Variants in DPP10 observed in about 807,000 individuals in gnomAD.
The protein encoded by DPP10 is inactive dipeptidyl peptidase 10.
Under a neutral mutation model 120.9 loss-of-function variants are expected in DPP10, and 33 were observed. That is an observed-to-expected ratio of 0.27 (90% confidence interval 0.21 to 0.37). The LOEUF is 0.37. DPP10 is among the 10% of genes least tolerant of loss of function. The pLI, the probability that DPP10 is intolerant of heterozygous loss-of-function variation, is 1.00. For synonymous variants in DPP10, 337 were observed against 326.1 expected, an observed-to-expected ratio of 1.03 and a Z score of -0.36; for missense variants, 816 against 942.8, an observed-to-expected ratio of 0.87 and a Z score of 1.76.
intron 1 of DPP10, among the ~76,000 whole-genome samples, chr2:114,943,724 G>T (rs2104590686): frequency 6.6e-6 from 1 of 152,234 alleles, no homozygotes; most frequent in Admixed American, 6.5e-5. Context: ...CTGTTTTTCT[G>T]ATTATAATTT....
chr2:114,576,832 C>T (rs1690088735), intron 1 of DPP10, among the ~76,000 whole-genome samples: 1 of 151,906 alleles, frequency 6.6e-6, no homozygotes, highest in African/African-American at 2.4e-5. Flanking sequence ...CTGGGTCATC[C>T]TGTGTAGAAA....
At chr2:115,280,100 C>T (rs2060097018) in intron 1 of DPP10, among the ~76,000 whole-genome samples, 1 of 151,984 alleles carries the variant, frequency 6.6e-6, no homozygotes, top group Non-Finnish European at 1.5e-5. Context: ...TGAATTTGGA[C>T]TTGTGATTTT....
At position 115,332,113 on chromosome 2, in the gene DPP10, G is replaced by T. The variant is rs150519010; in HGVS notation, c.176-11704G>T. On this transcript the variant is annotated intron_variant, in intron 2 of 25. Transcript: ENST00000410059. Reference sequence around the variant, plus strand: ...GCCTCAATTTCAGAGCCTCTTATTGGTCTATTCAGAGATTCAACTTCTTCC... The same window carrying T: ...GCCTCAATTTCAGAGCCTCTTATTGTTCTATTCAGAGATTCAACTTCTTCC... Among the ~76,000 whole-genome samples the T allele has an allele frequency of 3.0e-3, 452 of 152,190 alleles. 15 individuals are homozygous for T. In the East Asian group the frequency reaches 0.075, roughly 25 times the overall value.
chr2:114,579,371 T>G (rs1690308760), intron 1 of DPP10, among the ~76,000 whole-genome samples: 1 of 152,160 alleles, frequency 6.6e-6, no homozygotes, highest in African/African-American at 2.4e-5. Context: ...TTTTCTGAAT[T>G]TTATAGGGGG....
intron 1 of DPP10, among the ~76,000 whole-genome samples, chr2:114,608,402 G>C (rs926821291): frequency 6.6e-6 from 1 of 151,956 alleles, no homozygotes; most frequent in Non-Finnish European, 1.5e-5. Flanking sequence ...AAGGAGAGGG[G>C]TTTGAGGAGA....
intron 1 of DPP10, among the ~76,000 whole-genome samples, chr2:114,959,060 TG>T (rs1016830702): frequency 6.6e-6 from 1 of 152,136 alleles, no homozygotes; most frequent in African/African-American, 2.4e-5. Flanking sequence ...GGTTTGTTTT[TG>T]TTTTTGTTTT....
chr2:115,342,864 G>A lies in DPP10; in HGVS notation c.176-953G>A, dbSNP rs2063518172. Among the ~76,000 whole-genome samples the A allele has an allele frequency of 2.0e-5, 3 of 152,054 alleles. No individual in the cohort carries two copies. In the South Asian group the frequency reaches 6.2e-4, roughly 32 times the overall value. ...TGATTGATTTATGTGAAAGGGAATT[G>A]CATTTGACGTTATTGACTCTTTGCC... On this transcript the variant is annotated intron_variant, in intron 2 of 25. Transcript: ENST00000410059.
intron 1 of DPP10, among the ~76,000 whole-genome samples, chr2:114,697,019 T>C (rs1300243690): frequency 6.6e-6 from 1 of 152,104 alleles, no homozygotes; most frequent in Non-Finnish European, 1.5e-5. Context: ...ATTAATTCTC[T>C]CTTTTAATCA....
intron 11 of DPP10, 88 bp from the exon 12 acceptor site, chr2:115,762,484 A>G: frequency 2.1e-6 from 3 of 1,402,532 alleles, no homozygotes; most frequent in South Asian, 1.2e-5. Flanking sequence ...AGGGAAAAAA[A>G]ACTGATAACC....
intron 5 of DPP10, among the ~76,000 whole-genome samples, chr2:115,608,622 A>G (rs1376723485): frequency 6.6e-6 from 1 of 152,110 alleles, no homozygotes; most frequent in African/African-American, 2.4e-5. Flanking sequence ...TCCTCAAACT[A>G]TGTGATAAGA....
intron 1 of DPP10, among the ~76,000 whole-genome samples, chr2:114,771,754 A>G (rs1171375107): frequency 6.6e-6 from 1 of 152,232 alleles, no homozygotes; most frequent in Non-Finnish European, 1.5e-5. Flanking sequence ...GCATGTTTCC[A>G]TAGTCATGCA....
At chr2:114,729,715 G>A (rs931799759) in intron 1 of DPP10, among the ~76,000 whole-genome samples, 1 of 152,192 alleles carries the variant, frequency 6.6e-6, no homozygotes, top group Non-Finnish European at 1.5e-5. Flanking sequence ...AGAACCATAA[G>A]GAGAGGTATA....
At chr2:115,505,423 A>AT (rs1296442652) in intron 4 of DPP10, among the ~76,000 whole-genome samples, 1 of 152,034 alleles carries the variant, frequency 6.6e-6, no homozygotes, top group Non-Finnish European at 1.5e-5. Flanking sequence ...TCCAGTGTTG[A>AT]TTTTTTTAGA....
At chr2:114,834,174 A>G (rs868126220) in intron 1 of DPP10, 5 of 137,588 alleles carry the variant, frequency 3.6e-5, no homozygotes, top group African/African-American at 7.7e-5. Flanking sequence ...TATAAGCCAT[A>G]TCTACACACC....
intron 3 of DPP10, among the ~76,000 whole-genome samples, chr2:115,355,842 G>A (rs879163038): frequency 6.6e-6 from 1 of 152,058 alleles, no homozygotes; most frequent in African/African-American, 2.4e-5. Flanking sequence ...TTTTTGTCAG[G>A]TTTGTAAAAG....
intron 21 of DPP10, among the ~76,000 whole-genome samples, chr2:115,832,627 ATATT>A (rs1689050051): frequency 6.6e-6 from 1 of 152,340 alleles, no homozygotes; most frequent in African/African-American, 2.4e-5. Context: ...GACTTAGAAA[ATATT>A]TGGCTTCATT....
intron 1 of DPP10, among the ~76,000 whole-genome samples, chr2:114,568,567 C>A (rs1689390008): frequency 6.6e-6 from 1 of 152,180 alleles, no homozygotes; most frequent in South Asian, 2.1e-4. Flanking sequence ...CCATTATCGC[C>A]TCAATCCCGA....
At chr2:115,715,105 C>A (rs1458062094) in intron 7 of DPP10, among the ~76,000 whole-genome samples, 1 of 150,180 alleles carries the variant, frequency 6.7e-6, no homozygotes, top group Non-Finnish European at 1.5e-5. Flanking sequence ...TTTGGGAGGC[C>A]GAGGGAGGCG....
chr2:115,360,219 A>T (rs1467891355), intron 3 of DPP10, among the ~76,000 whole-genome samples: 3 of 152,160 alleles, frequency 2.0e-5, no homozygotes, highest in African/African-American at 7.2e-5. Context: ...ATTCCTTCTT[A>T]TCTGAGACGG....
Sources: gnomAD v4.1 joint callset for allele counts (sites outside exome capture counted in the v4.1 genomes callset) on GRCh38, gnomAD v4.1.1 for gene constraint, MANE v1.5 for transcripts, NCBI Gene and HGNC (gene_info 2026-07-23, HGNC 2026-07-21) for gene names.